Variants in PLPP3 observed in about 807,000 individuals in gnomAD.
The protein encoded by PLPP3 is phospholipid phosphatase 3.
A neutral mutation model predicts 29.6 loss-of-function variants in PLPP3; 6 were observed. The observed-to-expected ratio is 0.20, with a 90% CI of 0.11 to 0.40. The LOEUF is 0.40. PLPP3 is among the 10% of genes least tolerant of loss of function. PLPP3 has a pLI of 1.00. For synonymous variants in PLPP3, 152 were observed against 159.7 expected, an observed-to-expected ratio of 0.95 and a Z score of 0.36; for missense variants, 308 against 407.7, an observed-to-expected ratio of 0.76 and a Z score of 2.11.
Position 56,524,666 on chromosome 1 carries a change from T to A in PLPP3, c.298-112A>T. On this transcript the variant is annotated intron_variant, in intron 2 of 5. Coordinates refer to ENST00000371250, the MANE Select transcript of PLPP3 (RefSeq NM_003713.5). This position sits in a 1 kb window ranked among gnomAD's most constrained non-coding sequence, Gnocchi z 4.3. ...AATATTCAGTATTTGCAAAGGAGTGTCCTAATTTTCTATTTATGAAATATA... is the reference window on the plus strand; with the variant it reads ...AATATTCAGTATTTGCAAAGGAGTGACCTAATTTTCTATTTATGAAATATA... The A allele has an allele frequency of 1.7e-6, 2 of 1,204,392 alleles. No individual in the cohort carries two copies. The highest frequency in any genetic ancestry group is 3.1e-5 in the South Asian group (2 of 64,598). 74.6% of individuals were successfully genotyped at this position (1,204,392 alleles called of 1,614,324 possible).
At chr1:56,519,037 G>C (rs1645801281) in intron 4 of PLPP3, among the ~76,000 whole-genome samples, 1 of 151,518 alleles carries the variant, frequency 6.6e-6, no homozygotes, top group Non-Finnish European at 1.5e-5. Flanking sequence ...ATTTCGGGGT[G>C]GGGTGCGGGG....
At chr1:56,531,924 T>A (rs1277012337) in intron 2 of PLPP3, among the ~76,000 whole-genome samples, 5 of 152,062 alleles carry the variant, frequency 3.3e-5, no homozygotes, top group African/African-American at 1.2e-4. Context: ...CTCCACCCCA[T>A]CCCCAACACA....
chr1:56,544,994 A>C (rs1237671915), intron 1 of PLPP3, among the ~76,000 whole-genome samples: 2 of 150,696 alleles, frequency 1.3e-5, no homozygotes, highest in Admixed American at 6.6e-5. Flanking sequence ...ATCACATTTG[A>C]TCTTCCTAAC....
chr1:56,557,293 G>A (rs976625196), intron 1 of PLPP3, among the ~76,000 whole-genome samples: 1 of 151,346 alleles, frequency 6.6e-6, no homozygotes, highest in Non-Finnish European at 1.5e-5. Context: ...CAGGAGAATC[G>A]CTTGAACCTG....
At chr1:56,499,399 C>A (rs533527951) in intron 5 of PLPP3, among the ~76,000 whole-genome samples, 132 of 152,294 alleles carry the variant, frequency 8.7e-4, no homozygotes, top group African/African-American at 3.0e-3. Context: ...TGGGAGGCTT[C>A]TTGAAGATGG....
intron 1 of PLPP3, among the ~76,000 whole-genome samples, chr1:56,566,483 C>T (rs958031431): frequency 3.9e-5 from 6 of 152,124 alleles, no homozygotes; most frequent in African/African-American, 9.7e-5. Flanking sequence ...AATGTATACA[C>T]GCTGCTTAAC....
Position 56,578,904 on chromosome 1 carries a change from C to A in PLPP3, c.113G>T (p.Cys38Phe). 6.3e-7 allele frequency: 1 copy of A among 1,599,670 alleles called. No homozygotes were observed. Residue 38 changes from cysteine to phenylalanine, a missense_variant, in exon 1 of 6, where the codon TGC (cysteine) becomes TTC (phenylalanine). Physicochemically the swap from Cys to Phe is radical, Grantham distance 205. Coordinates refer to ENST00000371250, the MANE Select transcript of PLPP3 (RefSeq NM_003713.5). ...RSGSKRVLLICLDLFCLFMAG... is the reference protein window; with the variant it reads ...RSGSKRVLLIFLDLFCLFMAG... The stretch of plus-strand genomic sequence containing the variant: ...CATGAAGAGGCAGAAGAGGTCGAGG[C>A]AGATGAGCAGCACCCGCTTGCTGCC...
At chr1:56,560,255 C>T (rs974511593) in intron 1 of PLPP3, among the ~76,000 whole-genome samples, 7 of 152,218 alleles carry the variant, frequency 4.6e-5, no homozygotes, top group African/African-American at 1.7e-4. Flanking sequence ...GTGGAAATGA[C>T]TCATCACCAT....
chr1:56,539,133 C>T (rs1287186255), intron 1 of PLPP3, among the ~76,000 whole-genome samples: 3 of 152,036 alleles, frequency 2.0e-5, no homozygotes, highest in Admixed American at 2.0e-4. Flanking sequence ...GTCTCTTAGT[C>T]CACCTCCAAA....
rs559380579 is a variant in PLPP3 at position 56,495,214 on chromosome 1, G to T, written c.*1337C>A. 6.6e-6 allele frequency: 1 copy of T among 152,584 alleles called. No homozygotes were observed. The highest frequency in any genetic ancestry group is 2.4e-5 in the African/African-American group (1 of 41,436). The allele number at this position is 152,584 out of a possible 1,614,324, so 9.5% of individuals were successfully genotyped here. On this transcript the variant is annotated 3_prime_UTR_variant, in exon 6 of 6. Coordinates refer to ENST00000371250, the MANE Select transcript of PLPP3 (RefSeq NM_003713.5). ...CGGATTCTGTAGTAAGGATGTGCAT[G>T]TGGTTGATCCATATGGTTACATTTA...
intron 1 of PLPP3, among the ~76,000 whole-genome samples, chr1:56,567,547 G>A (rs1027654319): frequency 2.6e-5 from 4 of 151,720 alleles, no homozygotes; most frequent in Non-Finnish European, 5.9e-5. Flanking sequence ...ACAGGTACCC[G>A]CCACCACACC....
chr1:56,522,868 G>A (rs1389789248), intron 4 of PLPP3, among the ~76,000 whole-genome samples: 1 of 152,122 alleles, frequency 6.6e-6, no homozygotes, highest in African/African-American at 2.4e-5. Context: ...TGGCACACAC[G>A]GACCTCATTC....
At chr1:56,519,971 C>T (rs1426901882) in intron 4 of PLPP3, among the ~76,000 whole-genome samples, 3 of 152,136 alleles carry the variant, frequency 2.0e-5, no homozygotes, top group East Asian at 3.9e-4. Context: ...TGCTTCCGGT[C>T]TGCCATTCTC....
rs72920438 is a variant in PLPP3, at chr1:56,497,250, G to A, written c.811-574C>T. Among the ~76,000 whole-genome samples, 907 of 152,300 alleles carry A rather than the reference G, an allele frequency of 6.0e-3. 10 individuals carry two copies. The highest frequency in any genetic ancestry group is 0.02 in the African/African-American group (842 of 41,566). On this transcript the variant is annotated intron_variant, in intron 5 of 5. Coordinates refer to ENST00000371250, the MANE Select transcript of PLPP3 (RefSeq NM_003713.5). ...AGTTGGCAACTAAACGTGGAGGAAC[G>A]GTTAATGACAAATCTCGTATCACTC... is the stretch of plus-strand genomic sequence containing the variant.
At chr1:56,522,681 A>G (rs1645826837) in intron 4 of PLPP3, among the ~76,000 whole-genome samples, 1 of 126,650 alleles carries the variant, frequency 7.9e-6, no homozygotes, top group Admixed American at 7.2e-5. Flanking sequence ...GGGGGGAAAA[A>G]TAAATAAATA....
intron 5 of PLPP3, among the ~76,000 whole-genome samples, chr1:56,503,674 C>T (rs1403458121): frequency 6.6e-6 from 1 of 152,122 alleles, no homozygotes; most frequent in Non-Finnish European, 1.5e-5. Context: ...AGTGAAACTC[C>T]ATCTCCAAAA....
intron 1 of PLPP3, among the ~76,000 whole-genome samples, chr1:56,539,485 C>A (rs960954614): frequency 2.0e-5 from 3 of 152,160 alleles, no homozygotes; most frequent in African/African-American, 7.2e-5. Flanking sequence ...TATTTTGTGA[C>A]CCCTAACTGC....
At chr1:56,508,027 T>G (rs765258142) in intron 5 of PLPP3, among the ~76,000 whole-genome samples, 2 of 152,176 alleles carry the variant, frequency 1.3e-5, no homozygotes, top group Non-Finnish European at 2.9e-5. Context: ...TTTAGCTCAG[T>G]GAGACCCTTT....
chr1:56,499,203 G>A (rs1291990872), intron 5 of PLPP3, among the ~76,000 whole-genome samples: 2 of 151,826 alleles, frequency 1.3e-5, no homozygotes, highest in Non-Finnish European at 2.9e-5. Context: ...CTAACTGCAG[G>A]ATAGGAATCA....
Sources: allele counts gnomAD v4.1 joint callset (sites outside exome capture counted in the v4.1 genomes callset), GRCh38; gene constraint gnomAD v4.1.1; non-coding constraint Gnocchi (gnomAD v3.1); transcripts MANE v1.5; gene names NCBI Gene and HGNC (gene_info 2026-07-23, HGNC 2026-07-21).